Variants in SEMA3A observed in about 807,000 individuals in gnomAD.
SEMA3A encodes the protein semaphorin-3A.
In SEMA3A, 29 loss-of-function variants were observed where a neutral mutation model predicts 97.9. That is an observed-to-expected ratio of 0.30 (90% CI 0.22 to 0.40). SEMA3A has a LOEUF of 0.40. SEMA3A is among the 10% of genes least tolerant of loss of function. The pLI is 1.00. For missense variants in SEMA3A, 763 were observed against 951.3 expected (o/e 0.80, Z 2.60); for synonymous variants, 321 against 323.7 (o/e 0.99, Z 0.09).
intron 1 of SEMA3A, among the ~76,000 whole-genome samples, chr7:84,433,551 C>A (rs1357337813): frequency 1.3e-5 from 2 of 152,048 alleles, no homozygotes; most frequent in Non-Finnish European, 2.9e-5. Context: ...GTGCCTATGT[C>A]TTTATAGTAG....
intron 1 of SEMA3A, among the ~76,000 whole-genome samples, chr7:84,182,276 C>G: frequency 6.6e-6 from 1 of 152,162 alleles, no homozygotes; most frequent in Non-Finnish European, 1.5e-5. Context: ...GTGTTAATCC[C>G]TATGTGGATT....
At chr7:84,424,571 T>C (rs1463147327) in intron 1 of SEMA3A, among the ~76,000 whole-genome samples, 1 of 77,882 alleles carries the variant, frequency 1.3e-5, no homozygotes, top group Non-Finnish European at 1.9e-5. Context: ...AATATATAAA[T>C]ATTAATATAT....
At chr7:83,994,946 T>G (rs1408349315) in intron 12 of SEMA3A, among the ~76,000 whole-genome samples, 2 of 152,016 alleles carry the variant, frequency 1.3e-5, no homozygotes, top group African/African-American at 2.4e-5. Context: ...GATCTCAGAC[T>G]GCTGTGCTAG....
intron 1 of SEMA3A, among the ~76,000 whole-genome samples, chr7:84,175,303 A>C (rs1797528647): frequency 6.6e-6 from 1 of 152,200 alleles, no homozygotes; most frequent in Non-Finnish European, 1.5e-5. Context: ...ATTAAATGGG[A>C]ATTATTAATG....
At chr7:84,109,943 A>AT (rs1337224425) in intron 4 of SEMA3A, among the ~76,000 whole-genome samples, 1 of 152,166 alleles carries the variant, frequency 6.6e-6, no homozygotes, top group Non-Finnish European at 1.5e-5. Flanking sequence ...AAAAAAACAT[A>AT]TTTTTTTCTT....
intron 2 of SEMA3A, among the ~76,000 whole-genome samples, chr7:84,131,771 A>ATTATTTATTTAT (rs139368318): frequency 3.4e-5 from 5 of 148,904 alleles, no homozygotes; most frequent in African/African-American, 9.8e-5. Flanking sequence ...GTATAAACAA[A>ATTATTTATTTAT]TTATTTATTT....
At position 83,998,730 on chromosome 7, in the gene SEMA3A, T is replaced by A. The variant is rs533607076; in HGVS notation, c.1452+3225A>T. On this transcript the variant is annotated intron_variant, in intron 12 of 16. Coordinates refer to ENST00000265362, the MANE Select transcript of SEMA3A (RefSeq NM_006080.3). The stretch of plus-strand genomic sequence containing the variant: ...ATTGTACACCTGTCCCAACATGTTT[T>A]CTTTCCTTACATTCTTGTTTGATAA... 3.3e-5 allele frequency among the ~76,000 whole-genome samples: 5 copies of A among 152,330 alleles called. 1 individual carries two copies. Among genetic ancestry groups the A allele is most frequent in the African/African-American group, 1.2e-4 (5 of 41,574 alleles).
intron 3 of SEMA3A, among the ~76,000 whole-genome samples, chr7:84,209,062 T>A (rs984630867): frequency 1.3e-5 from 2 of 152,258 alleles, no homozygotes; most frequent in Non-Finnish European, 2.9e-5. Context: ...AGAATCTTAT[T>A]GTTCCTCCAA....
At chr7:84,214,048 T>C (rs1320559860) in intron 3 of SEMA3A, among the ~76,000 whole-genome samples, 1 of 152,206 alleles carries the variant, frequency 6.6e-6, no homozygotes, top group African/African-American at 2.4e-5. Context: ...CATTGTACCT[T>C]AAGAATAAAC....
chr7:84,312,334 G>T (rs564627081), intron 2 of SEMA3A, among the ~76,000 whole-genome samples: 2 of 151,672 alleles, frequency 1.3e-5, no homozygotes, highest in Non-Finnish European at 3.0e-5. Context: ...CATCAGCCTG[G>T]ACAAATTTCT....
At chr7:84,401,989 T>A (rs1228430610) in intron 1 of SEMA3A, among the ~76,000 whole-genome samples, 1 of 152,020 alleles carries the variant, frequency 6.6e-6, no homozygotes, top group Non-Finnish European at 1.5e-5. Flanking sequence ...AAAGCAAAAA[T>A]TGACAAATGG....
intron 3 of SEMA3A, among the ~76,000 whole-genome samples, chr7:84,232,434 C>T (rs1002137834): frequency 2.0e-5 from 3 of 150,896 alleles, no homozygotes; most frequent in Non-Finnish European, 3.0e-5. Flanking sequence ...CTCTCTCTCT[C>T]TCTCTCTCCC....
intron 2 of SEMA3A, among the ~76,000 whole-genome samples, chr7:84,335,580 A>G (rs1336354410): frequency 6.6e-6 from 1 of 152,130 alleles, no homozygotes; most frequent in Non-Finnish European, 1.5e-5. Flanking sequence ...TTCTTTGGGA[A>G]TTTGATCATG....
At chr7:84,039,983 T>C (rs1477205979) in intron 6 of SEMA3A, among the ~76,000 whole-genome samples, 1 of 152,016 alleles carries the variant, frequency 6.6e-6, no homozygotes, top group Non-Finnish European at 1.5e-5. Flanking sequence ...TTATATCTTA[T>C]ATAATAGTAG....
chr7:84,405,499 T>C (rs1008881783), intron 1 of SEMA3A, among the ~76,000 whole-genome samples: 2 of 152,042 alleles, frequency 1.3e-5, no homozygotes, highest in African/African-American at 4.8e-5. Flanking sequence ...GACAGAAAGT[T>C]AACAAGGATA....
chr7:84,409,057 A>G (rs1241809667), intron 1 of SEMA3A, among the ~76,000 whole-genome samples: 2 of 145,216 alleles, frequency 1.4e-5, no homozygotes, highest in Admixed American at 1.5e-4. Context: ...TAATAAAAAT[A>G]TATATATATG....
chr7:84,017,895 C>G (rs1250615847), intron 6 of SEMA3A, among the ~76,000 whole-genome samples: 1 of 152,098 alleles, frequency 6.6e-6, no homozygotes, highest in African/African-American at 2.4e-5. Flanking sequence ...CTCCACTGTA[C>G]CAGCTTTATA....
intron 1 of SEMA3A, among the ~76,000 whole-genome samples, chr7:84,387,241 C>A (rs1803420810): frequency 6.6e-6 from 1 of 151,902 alleles, no homozygotes; most frequent in Non-Finnish European, 1.5e-5. Context: ...TTTAGTAGAA[C>A]CTTGCCAGAG....
rs536603505 is a variant in SEMA3A at position 84,389,088 on chromosome 7, G to T, written c.-245-17188C>A. Among the ~76,000 whole-genome samples, 16 of 152,106 alleles carry T rather than the reference G, an allele frequency of 1.1e-4. 1 individual carries two copies. The South Asian group carries it at 3.3e-3, about 32-fold the overall frequency. On this transcript the variant is annotated intron_variant, in intron 1 of 3. Transcript: ENST00000424555. ...AAAGGGCCTTATTTCTATGCCTCAGGTTGTAAAAATTTGAAATACTTGTAG... is the reference window on the plus strand; with the variant it reads ...AAAGGGCCTTATTTCTATGCCTCAGTTTGTAAAAATTTGAAATACTTGTAG...
Sources: gnomAD v4.1 joint callset for allele counts (sites outside exome capture counted in the v4.1 genomes callset) on GRCh38, gnomAD v4.1.1 for gene constraint, MANE v1.5 for transcripts, NCBI Gene and HGNC (gene_info 2026-07-23, HGNC 2026-07-21) for gene names.